Variants in STEAP1B observed in about 807,000 individuals in gnomAD.
The protein encoded by STEAP1B is STEAP family member 1B.
In STEAP1B, 13 loss-of-function variants were observed where a neutral mutation model predicts 27.9. That is an observed-to-expected ratio of 0.47 (90% CI 0.30 to 0.74). STEAP1B has a LOEUF of 0.74. STEAP1B is among the 30% of genes least tolerant of loss of function. STEAP1B has a pLI of 0.06. For synonymous variants in STEAP1B, 86 were observed against 107.1 expected (o/e 0.80, Z 1.22); for missense variants, 250 against 298.7 (o/e 0.84, Z 1.20).
intron 4 of STEAP1B, among the ~76,000 whole-genome samples, chr7:22,473,870 G>GA (rs1785927925): frequency 6.6e-6 from 1 of 152,198 alleles, no homozygotes; most frequent in South Asian, 2.1e-4. Flanking sequence ...GATCCAGCAG[G>GA]AAAGTAAAGT....
chr7:22,471,542 G>A (rs1299035029), intron 4 of STEAP1B, among the ~76,000 whole-genome samples: 1 of 152,146 alleles, frequency 6.6e-6, no homozygotes, highest in Non-Finnish European at 1.5e-5. Context: ...ATTAGATACT[G>A]TACGAGAAAT....
At chr7:22,497,721 C>T (rs1786466310) in intron 1 of STEAP1B, among the ~76,000 whole-genome samples, 1 of 152,118 alleles carries the variant, frequency 6.6e-6, no homozygotes, top group African/African-American at 2.4e-5. Flanking sequence ...TAAAGAAATA[C>T]CTGAGACTGG....
intron 4 of STEAP1B, among the ~76,000 whole-genome samples, chr7:22,463,412 A>C (rs1785714159): frequency 6.6e-6 from 1 of 152,196 alleles, no homozygotes; most frequent in Admixed American, 6.5e-5. Context: ...TGCCATCCCC[A>C]TCAAGCTACC....
intron 4 of STEAP1B, among the ~76,000 whole-genome samples, chr7:22,476,918 G>C (rs1465305516): frequency 1.3e-5 from 2 of 152,180 alleles, no homozygotes; most frequent in Non-Finnish European, 2.9e-5. Flanking sequence ...CAGTGCCTGA[G>C]GGTGCTGACC....
intron 4 of STEAP1B, among the ~76,000 whole-genome samples, chr7:22,480,648 C>T (rs1786053062): frequency 6.6e-6 from 1 of 152,168 alleles, no homozygotes; most frequent in South Asian, 2.1e-4. Flanking sequence ...CTGTCTATAC[C>T]AAACAATTAT....
At chr7:22,449,884 C>T (rs1785460440) in intron 4 of STEAP1B, among the ~76,000 whole-genome samples, 1 of 152,234 alleles carries the variant, frequency 6.6e-6, no homozygotes, top group Non-Finnish European at 1.5e-5. Context: ...ATTTGCATTT[C>T]TCTGATGATC....
At chr7:22,444,670 A>G (rs1042949296) in intron 4 of STEAP1B, among the ~76,000 whole-genome samples, 1 of 152,206 alleles carries the variant, frequency 6.6e-6, no homozygotes, top group African/African-American at 2.4e-5. Flanking sequence ...CAGGAATTTC[A>G]TCTGTCACTG....
chr7:22,478,678 T>A (rs147497352), intron 4 of STEAP1B, among the ~76,000 whole-genome samples: 1 of 152,160 alleles, frequency 6.6e-6, no homozygotes, highest in Non-Finnish European at 1.5e-5. Context: ...AAAATCTTAC[T>A]TGGGGGGGGC....
At chr7:22,433,254 G>A (rs1041717987) in intron 4 of STEAP1B, among the ~76,000 whole-genome samples, 3 of 151,918 alleles carry the variant, frequency 2.0e-5, no homozygotes, top group African/African-American at 4.8e-5. Flanking sequence ...ACAGCCACAG[G>A]ACACCTTCCC....
intron 4 of STEAP1B, among the ~76,000 whole-genome samples, chr7:22,449,249 T>G (rs918681698): frequency 1.3e-5 from 2 of 152,190 alleles, no homozygotes; most frequent in Non-Finnish European, 2.9e-5. Flanking sequence ...TTTCTATTTT[T>G]ATTGTACCCA....
At chr7:22,482,257 C>A (rs1338228583) in intron 4 of STEAP1B, among the ~76,000 whole-genome samples, 1 of 152,128 alleles carries the variant, frequency 6.6e-6, no homozygotes, top group East Asian at 1.9e-4. Context: ...CAATGATTTA[C>A]TGGGGGTATG....
At chr7:22,447,953 G>A (rs755488648) in intron 4 of STEAP1B, among the ~76,000 whole-genome samples, 9 of 152,184 alleles carry the variant, frequency 5.9e-5, no homozygotes, top group African/African-American at 1.2e-4. Context: ...TTGGATAAAC[G>A]TCATGCAACC....
rs998303308 is a variant in STEAP1B, at chr7:22,419,716, G to A, written c.*88C>T. The A allele has an allele frequency of 1.7e-5, 24 of 1,422,738 alleles. No individual in the cohort carries two copies. In the African/African-American group the frequency reaches 3.0e-4, roughly 18 times the overall value. 88.1% of individuals were successfully genotyped at this position (1,422,738 alleles called of 1,614,324 possible). A position where few individuals can be genotyped will look rare whatever the true frequency, so the allele number is the denominator to read the frequency against. ...GGCTGTTCATTGTGGCAGAGGGAAA[G>A]GGCACTGGGTGGTGTTCTGCATGAG... On this transcript the variant is annotated 3_prime_UTR_variant, in exon 5 of 5. Transcript: ENST00000678116.
chr7:22,461,178 G>A (rs1285345686), intron 4 of STEAP1B, among the ~76,000 whole-genome samples: 1 of 152,194 alleles, frequency 6.6e-6, no homozygotes, highest in East Asian at 1.9e-4. Context: ...TTGCAGCTCT[G>A]AAGAGGGTCG....
chr7:22,496,647 C>T (rs753221696), intron 1 of STEAP1B, among the ~76,000 whole-genome samples: 1 of 152,212 alleles, frequency 6.6e-6, no homozygotes, highest in African/African-American at 2.4e-5. Flanking sequence ...GTATTCAGCA[C>T]GGTAACATGC....
chr7:22,446,592 G>A (rs893098117), intron 4 of STEAP1B, among the ~76,000 whole-genome samples: 70 of 152,324 alleles, frequency 4.6e-4, no homozygotes, highest in African/African-American at 1.5e-3. Flanking sequence ...ATTCCAATGC[G>A]TAGCCAAGAT....
chr7:22,498,491 G>A (rs1228171944), intron 1 of STEAP1B, among the ~76,000 whole-genome samples: 1 of 152,224 alleles, frequency 6.6e-6, no homozygotes, highest in Admixed American at 6.5e-5. Flanking sequence ...TTTGAGAGGT[G>A]CAGGATGGTA....
At chr7:22,433,039 C>T (rs933879541) in intron 4 of STEAP1B, among the ~76,000 whole-genome samples, 15 of 152,028 alleles carry the variant, frequency 9.9e-5, no homozygotes, top group South Asian at 4.2e-4. Flanking sequence ...TAGGACATTT[C>T]AGTAATCAAC....
Position 22,456,966 on chromosome 7 carries a change from A to ATTTTTTTTTT in STEAP1B, c.762+35598_762+35599insAAAAAAAAAA, listed in dbSNP as rs1301439928. Among the ~76,000 whole-genome samples the ATTTTTTTTTT allele has an allele frequency of 4.9e-4, 18 of 36,810 alleles. 1 individual carries two copies. Among genetic ancestry groups the ATTTTTTTTTT allele is most frequent in the Admixed American group, 9.8e-4 (3 of 3,054 alleles). The allele number at this position is 36,810 out of a possible 152,430, so 24.1% of individuals were successfully genotyped here. A position where few individuals can be genotyped will look rare whatever the true frequency, so the allele number is the denominator to read the frequency against. On this transcript the variant is annotated intron_variant, in intron 4 of 4. Coordinates refer to ENST00000678116, the MANE Select transcript of STEAP1B (RefSeq NM_001382447.1). The stretch of plus-strand genomic sequence containing the variant: ...GGGATAGGCAGCTATATATATATAT[A>ATTTTTTTTTT]TATATATTTTTTTTTTTTTTAAGTA...
Sources: gnomAD v4.1 joint callset for allele counts (sites outside exome capture counted in the v4.1 genomes callset) on GRCh38, gnomAD v4.1.1 for gene constraint, MANE v1.5 for transcripts, NCBI Gene and HGNC (gene_info 2026-07-23, HGNC 2026-07-21) for gene names.